Variants in MYO16 observed in about 807,000 individuals in gnomAD.
The protein encoded by MYO16 is myosin XVI.
A neutral mutation model predicts 205.3 loss-of-function variants in MYO16; 94 were observed. That is an observed-to-expected ratio of 0.46 (90% CI 0.39 to 0.54). MYO16 has a LOEUF of 0.54. MYO16 is among the 20% of genes least tolerant of loss of function. MYO16 has a pLI of 0.00. For synonymous variants in MYO16, 988 were observed against 954.0 expected (o/e 1.04, Z -0.66); for missense variants, 2,315 against 2,387.5 (o/e 0.97, Z 0.63).
In MYO16 at chr13:108,823,222, T is replaced by G; in HGVS notation, c.1041T>G (p.Ala347=). 6.2e-7 allele frequency: 1 copy of G among 1,613,308 alleles called. No individual in the cohort carries two copies. ...MKEPLSASTL[A]QEEPYEEIIH... The stretch of plus-strand genomic sequence containing the variant: ...AGCCTTTATCTGCTTCTACCTTAGC[T>G]CAAGAAGAGCCCTATGAAGAGATCA... Residue 347 remains alanine, a synonymous_variant, in exon 9 of 35, where the codon GCT becomes GCG. Transcript: ENST00000457511.
chr13:108,536,015 G>A, the MYO16 span, among the ~76,000 whole-genome samples: 9 of 83,268 alleles, frequency 1.1e-4, no homozygotes, highest in East Asian at 8.9e-4. Flanking sequence ...ATGCGCATAC[G>A]TGTGTGTGCA....
chr13:109,130,746 GA>G (rs1180011564), intron 31 of MYO16, among the ~76,000 whole-genome samples: 1 of 152,212 alleles, frequency 6.6e-6, no homozygotes, highest in Non-Finnish European at 1.5e-5. Flanking sequence ...GGACAGTGAT[GA>G]AATTGATCCT....
chr13:108,848,701 C>G (rs908031960), intron 10 of MYO16, among the ~76,000 whole-genome samples: 2 of 152,088 alleles, frequency 1.3e-5, no homozygotes, highest in African/African-American at 4.8e-5. Flanking sequence ...GGTGGTCCCA[C>G]CAACTCAAGA....
rs1233149285 is a variant in MYO16 at position 108,948,584 on chromosome 13, A to G, written c.1926-9104A>G. On this transcript the variant is annotated intron_variant, in intron 16 of 34. Transcript: ENST00000457511. ...TCAGGGAGAGCACACAGGCCTTTGA[A>G]GTTCCATGGGGATGTTTTTGGCAAA... Among the ~76,000 whole-genome samples the G allele has an allele frequency of 3.3e-5, 5 of 152,350 alleles. No homozygotes were observed. The East Asian group carries it at 9.6e-4, about 29-fold the overall frequency.
At chr13:108,644,082 A>T (rs1436335451) in intron 1 of MYO16, among the ~76,000 whole-genome samples, 3 of 152,202 alleles carry the variant, frequency 2.0e-5, no homozygotes, top group Non-Finnish European at 2.9e-5. Context: ...TCCTGGGTCC[A>T]GCCTGGGGTT....
chr13:108,721,726 C>T (rs777922637), intron 3 of MYO16, among the ~76,000 whole-genome samples: 5 of 151,856 alleles, frequency 3.3e-5, no homozygotes. Context: ...AGAAGATATC[C>T]AAGCTTTTTT....
In MYO16 at chr13:108,813,205, G is replaced by A. The variant is rs74121455; in HGVS notation, c.867+6401G>A. ...AGAAAGTATTTATTTTGTGGTATGA[G>A]GGCAGAACTGTTTGGTTAATAAGAA... On this transcript the variant is annotated intron_variant, in intron 7 of 34. Transcript: ENST00000457511. 8.7e-3 allele frequency among the ~76,000 whole-genome samples: 1,331 copies of A among 152,220 alleles called. 21 individuals are homozygous for A. The highest frequency in any genetic ancestry group is 0.03 in the African/African-American group (1,253 of 41,550).
At chr13:108,510,241 C>T in the MYO16 span, among the ~76,000 whole-genome samples, 53 of 151,972 alleles carry the variant, frequency 3.5e-4, no homozygotes, top group East Asian at 8.4e-3. Context: ...CTCAGCCTCC[C>T]GAGTAGCTGG....
At chr13:109,181,203 C>A (rs1256793069) in intron 34 of MYO16, among the ~76,000 whole-genome samples, 1 of 151,536 alleles carries the variant, frequency 6.6e-6, no homozygotes, top group Non-Finnish European at 1.5e-5. Context: ...CAAATGCAGA[C>A]ATCCCTGATG....
chr13:108,640,348 C>T (rs925283185), intron 1 of MYO16, among the ~76,000 whole-genome samples: 9 of 152,014 alleles, frequency 5.9e-5, no homozygotes, highest in African/African-American at 1.9e-4. Context: ...GTGATGTAGA[C>T]GTAGAGCAGG....
intron 1 of MYO16, among the ~76,000 whole-genome samples, chr13:108,649,778 G>A (rs1283588680): frequency 6.6e-6 from 1 of 152,160 alleles, no homozygotes; most frequent in Non-Finnish European, 1.5e-5. Flanking sequence ...CTTGCAATGA[G>A]GAGGGTTCTT....
chr13:108,796,857 TG>T (rs1886807944), intron 6 of MYO16, among the ~76,000 whole-genome samples: 1 of 151,318 alleles, frequency 6.6e-6, no homozygotes, highest in Non-Finnish European at 1.5e-5. Context: ...ACATGGCACA[TG>T]TATATATACA....
the MYO16 span, among the ~76,000 whole-genome samples, chr13:108,507,888 A>G: frequency 6.6e-5 from 10 of 151,918 alleles, no homozygotes; most frequent in African/African-American, 2.4e-4. Context: ...TTATCCTCAA[A>G]TTCAGCATTT....
the MYO16 span, among the ~76,000 whole-genome samples, chr13:108,578,137 TA>T: frequency 6.6e-6 from 1 of 152,204 alleles, no homozygotes; most frequent in East Asian, 1.9e-4. Context: ...AGCTTGGCTT[TA>T]AGGTAAGTAT....
chr13:108,772,421 C>G (rs1458861398), intron 4 of MYO16, among the ~76,000 whole-genome samples: 1 of 152,158 alleles, frequency 6.6e-6, no homozygotes, highest in Non-Finnish European at 1.5e-5. Context: ...TACCATTTTG[C>G]ATTCCCACAA....
chr13:108,671,869 CT>C (rs1245192826), intron 2 of MYO16, among the ~76,000 whole-genome samples: 1 of 152,108 alleles, frequency 6.6e-6, no homozygotes, highest in Non-Finnish European at 1.5e-5. Flanking sequence ...ATCTCATAAA[CT>C]CATCGAACCT....
chr13:109,180,801 C>T (rs1171892131), intron 34 of MYO16, among the ~76,000 whole-genome samples: 1 of 152,216 alleles, frequency 6.6e-6, no homozygotes, highest in Non-Finnish European at 1.5e-5. Flanking sequence ...CTAATCTTCC[C>T]TCTATTCCTT....
At chr13:109,022,085 G>A (rs1045422702) in intron 23 of MYO16, among the ~76,000 whole-genome samples, 12 of 144,210 alleles carry the variant, frequency 8.3e-5, no homozygotes, top group African/African-American at 2.8e-4. Flanking sequence ...GTATATGTAT[G>A]TATAATATAT....
intron 12 of MYO16, among the ~76,000 whole-genome samples, chr13:108,875,857 G>A (rs1351643941): frequency 6.6e-6 from 1 of 152,032 alleles, no homozygotes; most frequent in African/African-American, 2.4e-5. Flanking sequence ...CTGGGCAGCT[G>A]AGCGAGACCC....
Sources: gnomAD v4.1 joint callset for allele counts (sites outside exome capture counted in the v4.1 genomes callset) on GRCh38, gnomAD v4.1.1 for gene constraint, MANE v1.5 for transcripts, NCBI Gene and HGNC (gene_info 2026-07-23, HGNC 2026-07-21) for gene names.